The following LARGE1 variants were observed in gnomAD, a reference collection of about 807,000 sequenced individuals.
LARGE1 encodes LARGE xylosyl- and glucuronyltransferase 1.
A neutral mutation model predicts 87.6 loss-of-function variants in LARGE1; 43 were observed. That is an observed-to-expected ratio of 0.49 (90% CI 0.38 to 0.63). The LOEUF (loss-of-function observed/expected upper bound fraction) is 0.63. Ranked by LOEUF, LARGE1 falls within the 30% of genes least tolerant of loss-of-function variation. The pLI is 0.00. For synonymous variants in LARGE1, 434 were observed against 394.6 expected, an observed-to-expected ratio of 1.10 and a Z score of -1.18; for missense variants, 802 against 1,000.2, an observed-to-expected ratio of 0.80 and a Z score of 2.67.
intron 2 of LARGE1, chr22:33,750,673 G>C (rs1156743490): frequency 6.6e-6 from 1 of 152,034 alleles, no homozygotes; most frequent in Non-Finnish European, 1.5e-5. Context: ...ATGTGGCTTG[G>C]GGTCAATATC....
intron 1 of LARGE1, among the ~76,000 whole-genome samples, chr22:33,915,034 C>CAG (rs1229656114): frequency 3.3e-5 from 4 of 121,018 alleles, no homozygotes; most frequent in African/African-American, 1.2e-4. Context: ...CACACACACA[C>CAG]ACACACACAG....
chr22:33,821,277 C>T (rs1225455144), intron 1 of LARGE1, among the ~76,000 whole-genome samples: 3 of 151,798 alleles, frequency 2.0e-5, no homozygotes, highest in Admixed American at 6.6e-5. Context: ...TTCATCGTTA[C>T]GAAGTTAGAA....
intron 11 of LARGE1, among the ~76,000 whole-genome samples, chr22:33,199,014 T>C (rs1458384189): frequency 6.6e-6 from 1 of 152,212 alleles, no homozygotes; most frequent in Non-Finnish European, 1.5e-5. Flanking sequence ...TGTTGTTTTT[T>C]GACTTTCTGA....
At chr22:33,534,332 A>T (rs2076981905) in intron 6 of LARGE1, among the ~76,000 whole-genome samples, 1 of 151,976 alleles carries the variant, frequency 6.6e-6, no homozygotes, top group Admixed American at 6.6e-5. Context: ...TGAACCCAGG[A>T]GGCGGAGCTT....
At chr22:33,597,290 A>C (rs558908425) in intron 5 of LARGE1, among the ~76,000 whole-genome samples, 23 of 152,218 alleles carry the variant, frequency 1.5e-4, no homozygotes, top group East Asian at 5.8e-4. Context: ...AAAAAAAAAA[A>C]AAAAAAAACT....
At chr22:33,720,190 T>C (rs2149436823) in intron 2 of LARGE1, among the ~76,000 whole-genome samples, 1 of 152,308 alleles carries the variant, frequency 6.6e-6, no homozygotes, top group Admixed American at 6.5e-5. Flanking sequence ...GACAGTCCCA[T>C]CTGGGGGTGA....
At chr22:33,385,628 T>C (rs1379212498) in intron 7 of LARGE1, among the ~76,000 whole-genome samples, 1 of 145,806 alleles carries the variant, frequency 6.9e-6, no homozygotes, top group Non-Finnish European at 1.5e-5. Context: ...AAAAATACAC[T>C]TAGGCTTAGC....
At chr22:33,210,839 G>A (rs531184271) in intron 11 of LARGE1, among the ~76,000 whole-genome samples, 3 of 152,332 alleles carry the variant, frequency 2.0e-5, no homozygotes, top group Admixed American at 1.3e-4. Context: ...ATGCCTCTGC[G>A]GCTCCCCCAA....
At chr22:33,662,304 T>C (rs977440102) in intron 2 of LARGE1, among the ~76,000 whole-genome samples, 6 of 152,094 alleles carry the variant, frequency 3.9e-5, no homozygotes, top group African/African-American at 1.4e-4. Flanking sequence ...TTATACTGCA[T>C]GTAAGCAAGA....
rs35927122 is a variant in LARGE1, at chr22:33,485,218, C to CTTTTTTTT, written c.788-52961_788-52954dup. On this transcript the variant is annotated intron_variant, in intron 6 of 14. Coordinates refer to ENST00000397394, the MANE Select transcript of LARGE1 (RefSeq NM_133642.5). The stretch of plus-strand genomic sequence containing the variant: ...ATGAGCCACCGCGTCCGGTCTGAGT[C>CTTTTTTTT]TTTTTTTTTTTTTGAGACAGAGTCT... Among the ~76,000 whole-genome samples the CTTTTTTTT allele has an allele frequency of 3.4e-3, 347 of 103,164 alleles. 2 individuals carry two copies. The highest frequency in any genetic ancestry group is 0.012 in the African/African-American group (334 of 27,476). The allele number at this position is 103,164 out of a possible 152,430, so 67.7% of individuals were successfully genotyped here.
intron 9 of LARGE1, among the ~76,000 whole-genome samples, chr22:33,378,435 T>C (rs370249867): frequency 1.3e-5 from 2 of 152,168 alleles, no homozygotes; most frequent in African/African-American, 4.8e-5. Flanking sequence ...GATCCTGACT[T>C]TATGTGAGGC....
At chr22:33,492,894 G>C (rs774064573) in intron 6 of LARGE1, among the ~76,000 whole-genome samples, 14 of 152,142 alleles carry the variant, frequency 9.2e-5, no homozygotes, top group Admixed American at 1.3e-4. Flanking sequence ...AGGGAGGAGG[G>C]AAATGCGGGC....
chr22:33,641,082 G>A (rs184399581), intron 3 of LARGE1, among the ~76,000 whole-genome samples: 5,299 of 151,848 alleles, frequency 0.035, 137 homozygotes, highest in Admixed American at 0.077. Context: ...GATAGACTCC[G>A]CCTCCTCAAG....
chr22:33,561,142 A>G (rs2077846073), intron 6 of LARGE1, among the ~76,000 whole-genome samples: 1 of 152,240 alleles, frequency 6.6e-6, no homozygotes, highest in Non-Finnish European at 1.5e-5. Flanking sequence ...CTTCTAGCTC[A>G]GTGCCTAGAA....
intron 11 of LARGE1, among the ~76,000 whole-genome samples, chr22:33,189,060 T>C (rs1173172065): frequency 6.6e-6 from 1 of 152,036 alleles, no homozygotes; most frequent in African/African-American, 2.4e-5. Flanking sequence ...CCAGAAAGAC[T>C]AGGCAATACA....
chr22:33,278,553 T>TCACACACA (rs113415022), intron 13 of LARGE1, among the ~76,000 whole-genome samples: 120 of 148,774 alleles, frequency 8.1e-4, no homozygotes, highest in African/African-American at 2.6e-3. Context: ...TCTCTCTCTC[T>TCACACACA]CACACACACA....
chr22:33,486,823 C>T (rs554485387), intron 6 of LARGE1, among the ~76,000 whole-genome samples: 5 of 152,260 alleles, frequency 3.3e-5, no homozygotes, highest in South Asian at 2.1e-4. Context: ...GTCTCCGGCT[C>T]TCATCCCCCA....
chr22:33,124,995 A>G, the LARGE1 span, among the ~76,000 whole-genome samples: 2 of 152,190 alleles, frequency 1.3e-5, no homozygotes, highest in African/African-American at 4.8e-5. Flanking sequence ...GGTCATATTT[A>G]TATCTACTTC....
In LARGE1 at chr22:33,564,922, A is replaced by T. The variant is rs750651653; in HGVS notation, c.713T>A (p.Val238Asp). 2.5e-6 allele frequency: 4 copies of T among 1,613,980 alleles called. No individual in the cohort carries two copies. ...GGTGATATCCGTGTCAAGGACGATG[A>T]CTCTCTCCAGGTTGGCAGGAAGAGT... ...TKTLPANLER[V>D]IVLDTDITFA... Residue 238 changes from valine (V) to aspartate (D), a missense_variant, in exon 6 of 15, where the codon GTC (valine) becomes GAC (aspartate). Physicochemically the swap from Val to Asp is radical, Grantham distance 152 (BLOSUM62 -3). This residue lies in a region of LARGE1 where 625 missense variants were observed against 841.9 expected (regional missense o/e 0.74). Transcript: ENST00000397394.
Sources: gnomAD v4.1 joint callset for allele counts (sites outside exome capture counted in the v4.1 genomes callset) on GRCh38, gnomAD v4.1.1 for gene constraint, gnomAD v4.1.1 regional missense constraint, MANE v1.5 for transcripts, NCBI Gene and HGNC (gene_info 2026-07-23, HGNC 2026-07-21) for gene names.